NUF2: variants seen among roughly 807,000 people sequenced by gnomAD.
The protein encoded by NUF2 is kinetochore protein Nuf2.
A neutral mutation model predicts 61.8 loss-of-function variants in NUF2; 34 were observed. The observed-to-expected ratio is 0.55, with a 90% CI of 0.42 to 0.73. The LOEUF (loss-of-function observed/expected upper bound fraction) is 0.73. Among genes scored for constraint, NUF2 ranks in the 30% least tolerant of loss-of-function variants. NUF2 has a pLI of 0.00. For synonymous variants in NUF2, 172 were observed against 181.6 expected (o/e 0.95, Z 0.42); for missense variants, 445 against 539.1 (o/e 0.83, Z 1.73).
intron 12 of NUF2, 98 bp downstream of exon 12, chr1:163,348,036 G>C: frequency 3.6e-6 from 3 of 825,286 alleles, no homozygotes; most frequent in Non-Finnish European, 5.3e-6. Context: ...TTTTCCAAAA[G>C]AGTTTAAACA....
chr1:163,351,714 G>A (rs1651327471), intron 13 of NUF2, among the ~76,000 whole-genome samples: 1 of 152,182 alleles, frequency 6.6e-6, no homozygotes, highest in African/African-American at 2.4e-5. Flanking sequence ...ACACAAATGG[G>A]AAGGTCTCTA....
intron 1 of NUF2, among the ~76,000 whole-genome samples, chr1:163,322,686 A>C (rs1021344346): frequency 1.3e-5 from 2 of 152,244 alleles, no homozygotes; most frequent in Admixed American, 1.3e-4. Context: ...AGTTTATTTT[A>C]ACAAAACGAA....
chr1:163,348,826 A>G (rs1571398770), intron 12 of NUF2, 119 bp from the exon 13 acceptor site: 1 of 1,053,960 alleles, frequency 9.5e-7, no homozygotes, highest in East Asian at 2.4e-5. Context: ...ATATCTTGAG[A>G]AGAGTTTTAG....
chr1:163,325,440 T>C (rs763170665), intron 1 of NUF2, among the ~76,000 whole-genome samples: 2 of 152,258 alleles, frequency 1.3e-5, no homozygotes, highest in South Asian at 4.1e-4. Context: ...TTAGGAGAAA[T>C]GGTTTTTTGT....
chr1:163,349,093 T>C lies in NUF2; in HGVS notation c.1260+13T>C. ...ACTGAAGTCCCAGGTGAATATGTGTTCATAAGAAGTTAATTTCAAATAATC... is the reference window on the plus strand; with the variant it reads ...ACTGAAGTCCCAGGTGAATATGTGTCCATAAGAAGTTAATTTCAAATAATC... On this transcript the variant is annotated intron_variant, in intron 13 of 13. Coordinates refer to ENST00000271452, the MANE Select transcript of NUF2 (RefSeq NM_145697.3). The C allele has an allele frequency of 6.3e-7, 1 of 1,583,806 alleles. No homozygotes were observed. The highest frequency in any genetic ancestry group is 8.5e-7 in the Non-Finnish European group (1 of 1,171,502).
At chr1:163,342,491 TACAGAAATTACAGGAATGCATTATATCTA>T (rs1557953035) in intron 9 of NUF2, among the ~76,000 whole-genome samples, 1 of 152,174 alleles carries the variant, frequency 6.6e-6, no homozygotes, top group Non-Finnish European at 1.5e-5. Flanking sequence ...TAACAAAATA[TACAGAAATTACAGGAATGCATTATATCTA>T]ACATTCAGTT....
chr1:163,344,550 G>A (rs568229094), intron 10 of NUF2, among the ~76,000 whole-genome samples: 2 of 149,676 alleles, frequency 1.3e-5, no homozygotes, highest in South Asian at 2.1e-4. Context: ...AGGGAACAGC[G>A]TATGTGAATT....
At chr1:163,349,435 G>C (rs12725319) in intron 13 of NUF2, among the ~76,000 whole-genome samples, 25,706 of 151,894 alleles carry the variant, frequency 0.17, 2,268 homozygotes, top group Non-Finnish European at 0.19. Flanking sequence ...TTTGAAGTTT[G>C]ATTTATGTCT....
intron 2 of NUF2, among the ~76,000 whole-genome samples, chr1:163,327,254 A>T (rs560099713): frequency 3.2e-4 from 48 of 152,230 alleles, no homozygotes; most frequent in African/African-American, 1.1e-3. Context: ...ATTTGGGTAT[A>T]CTTGCTCTCA....
At position 163,355,561 on chromosome 1, in the gene NUF2, G is replaced by A. The variant is rs1651460217; in HGVS notation, c.*92G>A. Reference sequence around the variant, plus strand: ...GTTGAAGCGAATGGAAGTATCAGAAGTACCAAATAATGTTGGCTTCATCAG... The same window carrying A: ...GTTGAAGCGAATGGAAGTATCAGAAATACCAAATAATGTTGGCTTCATCAG... On this transcript the variant is annotated 3_prime_UTR_variant, in exon 14 of 14. Coordinates refer to ENST00000271452, the MANE Select transcript of NUF2 (RefSeq NM_145697.3). 2 of 1,127,842 alleles carry A rather than the reference G, an allele frequency of 1.8e-6. No individual in the cohort carries two copies. Among genetic ancestry groups the A allele is most frequent in the African/African-American group, 1.6e-5 (1 of 62,794 alleles). The allele number at this position is 1,127,842 out of a possible 1,614,324, so 69.9% of individuals were successfully genotyped here.
intron 12 of NUF2, among the ~76,000 whole-genome samples, chr1:163,348,580 T>A (rs1196851259): frequency 2.0e-5 from 3 of 152,144 alleles, no homozygotes; most frequent in Non-Finnish European, 4.4e-5. Flanking sequence ...CCAAACTGCC[T>A]TGTAGAAAAG....
intron 5 of NUF2, among the ~76,000 whole-genome samples, chr1:163,335,264 G>A (rs1005890117): frequency 1.3e-5 from 2 of 152,112 alleles, no homozygotes; most frequent in Non-Finnish European, 2.9e-5. Context: ...TATGCCAGGT[G>A]TAAGGGACTG....
intron 5 of NUF2, among the ~76,000 whole-genome samples, chr1:163,329,163 G>A (rs1469787376): frequency 2.0e-5 from 3 of 151,710 alleles, no homozygotes; most frequent in African/African-American, 7.3e-5. Flanking sequence ...CTATAAATTT[G>A]GGAATATGAC....
intron 6 of NUF2, among the ~76,000 whole-genome samples, chr1:163,337,416 G>T (rs184766930): frequency 4.2e-4 from 64 of 152,100 alleles, no homozygotes; most frequent in Non-Finnish European, 8.8e-4. Context: ...CATACTCTTA[G>T]AAAAACACCA....
At chr1:163,348,866 T>C (rs1240138589) in intron 12 of NUF2, 79 bp from the exon 13 acceptor site, 7 of 1,480,552 alleles carry the variant, frequency 4.7e-6, no homozygotes, top group South Asian at 3.7e-5. Flanking sequence ...ATGGTCACTT[T>C]GGAATCAAAA....
intron 13 of NUF2, among the ~76,000 whole-genome samples, chr1:163,350,234 A>G (rs1169955221): frequency 6.6e-6 from 1 of 151,704 alleles, no homozygotes; most frequent in Non-Finnish European, 1.5e-5. Context: ...CCCGGGAGGC[A>G]GAGCTTGCAG....
chr1:163,324,584 ATATATT>A (rs1220403853), intron 1 of NUF2, among the ~76,000 whole-genome samples: 1 of 152,208 alleles, frequency 6.6e-6, no homozygotes, highest in Non-Finnish European at 1.5e-5. Context: ...GCAAAATTGA[ATATATT>A]CACATTGGGT....
intron 9 of NUF2, among the ~76,000 whole-genome samples, chr1:163,341,914 G>A (rs1650959751): frequency 6.6e-6 from 1 of 152,156 alleles, no homozygotes; most frequent in African/African-American, 2.4e-5. Context: ...ACAGGTGTGA[G>A]CCACCGCACC....
At chr1:163,327,265 T>C (rs1017664991) in intron 2 of NUF2, among the ~76,000 whole-genome samples, 1 of 152,140 alleles carries the variant, frequency 6.6e-6, no homozygotes, top group Non-Finnish European at 1.5e-5. Context: ...CTTGCTCTCA[T>C]TCTTAAACAG....
Sources: gnomAD v4.1 joint callset for allele counts (sites outside exome capture counted in the v4.1 genomes callset) on GRCh38, gnomAD v4.1.1 for gene constraint, MANE v1.5 for transcripts, NCBI Gene and HGNC (gene_info 2026-07-23, HGNC 2026-07-21) for gene names.